Variants in RERE observed in about 807,000 individuals in gnomAD.
The protein encoded by RERE is arginine-glutamic acid dipeptide repeats, also known as arginine-glutamic acid dipeptide repeats protein.
A neutral mutation model predicts 146.1 loss-of-function variants in RERE; 40 were observed. The ratio of observed to expected loss-of-function variants is 0.27; its 90% CI spans 0.21 to 0.36. RERE has a LOEUF of 0.36. Ranked by LOEUF, RERE falls within the 10% of genes least tolerant of loss-of-function variation. The pLI is 1.00. For missense variants in RERE, 1,933 were observed against 2,138.7 expected, an observed-to-expected ratio of 0.90 and a Z score of 1.90; for synonymous variants, 1,003 against 866.0, an observed-to-expected ratio of 1.16 and a Z score of -2.78.
At chr1:8,631,533 A>T (rs1647035402) in intron 2 of RERE, among the ~76,000 whole-genome samples, 1 of 152,250 alleles carries the variant, frequency 6.6e-6, no homozygotes, top group Non-Finnish European at 1.5e-5. Flanking sequence ...GAAAAAGCAA[A>T]ATTATCCTGC....
chr1:8,594,207 T>C (rs1448696482), intron 4 of RERE, among the ~76,000 whole-genome samples: 4 of 152,124 alleles, frequency 2.6e-5, no homozygotes, highest in Admixed American at 2.6e-4. Context: ...AAAGGTTAAA[T>C]AGCTTGTCTA....
rs182389198 is a variant in RERE at position 8,753,196 on chromosome 1, C to T, written c.-145+63964G>A. Among the ~76,000 whole-genome samples the T allele has an allele frequency of 3.1e-3, 472 of 152,268 alleles. 4 individuals carry two copies. The highest frequency in any genetic ancestry group is 6.8e-3 in the Middle Eastern group (2 of 294). On this transcript the variant is annotated intron_variant, in intron 1 of 22. Coordinates refer to ENST00000400908, the MANE Select transcript of RERE (RefSeq NM_001042681.2). Reference sequence around the variant, plus strand: ...ACCACTCAAGCTACTATTAAAAATGCTTCCCTGCGATAAAAGGAGGGAATA... The same window carrying T: ...ACCACTCAAGCTACTATTAAAAATGTTTCCCTGCGATAAAAGGAGGGAATA...
At chr1:8,538,820 GATCCTGTAAGTGTGCTGCT>G (rs1388700993) in intron 7 of RERE, among the ~76,000 whole-genome samples, 2 of 152,196 alleles carry the variant, frequency 1.3e-5, no homozygotes, top group African/African-American at 2.4e-5. Flanking sequence ...TCAGGATGCA[GATCCTGTAAGTGTGCTGCT>G]ATCATCATGT....
chr1:8,395,054 G>A (rs1272660650), intron 12 of RERE, among the ~76,000 whole-genome samples: 5 of 152,190 alleles, frequency 3.3e-5, no homozygotes, highest in African/African-American at 1.2e-4. Flanking sequence ...TTCCATGAGG[G>A]AAGTTTGTTA....
At chr1:8,449,968 G>A (rs529205615) in intron 11 of RERE, among the ~76,000 whole-genome samples, 2 of 152,182 alleles carry the variant, frequency 1.3e-5, no homozygotes, top group Non-Finnish European at 2.9e-5. Flanking sequence ...CTCAGTCTGT[G>A]TGTGGCAAAA....
At chr1:8,719,290 C>A (rs1273493168) in intron 1 of RERE, among the ~76,000 whole-genome samples, 1 of 152,160 alleles carries the variant, frequency 6.6e-6, no homozygotes, top group Non-Finnish European at 1.5e-5. Context: ...ACAGTGGAGC[C>A]ACACAGCAGC....
intron 10 of RERE, among the ~76,000 whole-genome samples, chr1:8,484,203 G>A (rs542513067): frequency 1.2e-4 from 19 of 152,180 alleles, no homozygotes; most frequent in African/African-American, 4.1e-4. Context: ...GCACTCAAAG[G>A]TGGCTAAATT....
At chr1:8,655,921 G>A (rs1254563294) in intron 2 of RERE, 52 bp downstream of exon 2, 1 of 1,579,488 alleles carries the variant, frequency 6.3e-7, no homozygotes, top group Non-Finnish European at 8.6e-7. Context: ...ATAATGCCAA[G>A]ATCATTCCCC....
chr1:8,813,343 G>A (rs940269396), intron 1 of RERE, among the ~76,000 whole-genome samples: 2 of 152,110 alleles, frequency 1.3e-5, no homozygotes, highest in African/African-American at 2.4e-5. Flanking sequence ...TAGCTTAGTA[G>A]GAAAGCATAC....
chr1:8,441,950 T>TTTTTTTTTGA (rs1295131605), intron 11 of RERE, among the ~76,000 whole-genome samples: 1 of 151,454 alleles, frequency 6.6e-6, no homozygotes, highest in Admixed American at 6.6e-5. Flanking sequence ...CACTTTTTGT[T>TTTTTTTTTGA]GCAGGGAAGT....
At chr1:8,809,944 CA>C (rs1641772185) in intron 1 of RERE, among the ~76,000 whole-genome samples, 1 of 152,022 alleles carries the variant, frequency 6.6e-6, no homozygotes, top group African/African-American at 2.4e-5. Context: ...GTGGCCAAAC[CA>C]AAAAAACTTC....
chr1:8,470,689 T>C (rs960137706), intron 10 of RERE, among the ~76,000 whole-genome samples: 3 of 152,090 alleles, frequency 2.0e-5, no homozygotes, highest in Non-Finnish European at 4.4e-5. Flanking sequence ...AGGGACTCTT[T>C]CCTCCTTAGG....
At chr1:8,624,824 G>A (rs1646955449) in intron 2 of RERE, among the ~76,000 whole-genome samples, 1 of 152,228 alleles carries the variant, frequency 6.6e-6, no homozygotes, top group Non-Finnish European at 1.5e-5. Flanking sequence ...ATTTTGTGAG[G>A]AAATAAATGA....
chr1:8,564,444 G>C (rs934352523), intron 4 of RERE, among the ~76,000 whole-genome samples: 7 of 152,098 alleles, frequency 4.6e-5, no homozygotes, highest in African/African-American at 1.7e-4. Context: ...TGTCACAAAG[G>C]TCAGATGTGG....
chr1:8,581,503 C>T (rs751125187), intron 4 of RERE, among the ~76,000 whole-genome samples: 3 of 152,042 alleles, frequency 2.0e-5, no homozygotes, highest in Non-Finnish European at 2.9e-5. Flanking sequence ...CTTTCTATCC[C>T]CTCATTAAGA....
At chr1:8,363,121 C>T (rs1296225244) in intron 15 of RERE, among the ~76,000 whole-genome samples, 1 of 152,246 alleles carries the variant, frequency 6.6e-6, no homozygotes, top group Non-Finnish European at 1.5e-5. Flanking sequence ...ACAACGTGTG[C>T]TGGAAATGAA....
At chr1:8,579,541 C>T (rs75900273) in intron 4 of RERE, among the ~76,000 whole-genome samples, 83 of 152,306 alleles carry the variant, frequency 5.4e-4, no homozygotes, top group African/African-American at 2.0e-3. Context: ...TCAATCTGAC[C>T]ACACAGAAGA....
In RERE at chr1:8,372,507, CGTGTGT is replaced by C. The variant is rs6143111; in HGVS notation, c.1285-6539_1285-6534del. On this transcript the variant is annotated intron_variant, in intron 12 of 22. Transcript: ENST00000400908. ...TGCAGCCTGCCACCTACCATCAGGT[CGTGTGT>C]GTGTGTGTGTGTGTGTGTGTGTGTG... Among the ~76,000 whole-genome samples, 120 of 131,828 alleles carry C rather than the reference CGTGTGT, an allele frequency of 9.1e-4. 1 individual carries two copies. Among genetic ancestry groups the C allele is most frequent in the South Asian group, 5.4e-3 (19 of 3,538 alleles). 86.5% of individuals were successfully genotyped at this position (131,828 alleles called of 152,430 possible).
intron 19 of RERE, among the ~76,000 whole-genome samples, chr1:8,359,551 G>A (rs111855675): frequency 0.024 from 3,628 of 152,338 alleles, 130 homozygotes; most frequent in African/African-American, 0.082. Context: ...ACTGCTGGGA[G>A]TCAGCCTAGA....
Sources: allele counts gnomAD v4.1 joint callset (sites outside exome capture counted in the v4.1 genomes callset), GRCh38; gene constraint gnomAD v4.1.1; transcripts MANE v1.5; gene names NCBI Gene and HGNC (gene_info 2026-07-23, HGNC 2026-07-21).